The following ACP3 variants were observed in gnomAD, a reference collection of about 807,000 sequenced individuals.
ACP3 encodes acid phosphatase 3.
A neutral mutation model predicts 45.6 loss-of-function variants in ACP3; 38 were observed. The ratio of observed to expected loss-of-function variants is 0.83; its 90% CI spans 0.64 to 1.09. The LOEUF is 1.09. Among genes scored for constraint, ACP3 ranks in the 50% least tolerant of loss-of-function variants. The pLI, the probability that ACP3 is intolerant of heterozygous loss-of-function variation, is 0.00. For missense variants in ACP3, 466 were observed against 463.2 expected, an observed-to-expected ratio of 1.01 and a Z score of -0.05; for synonymous variants, 162 against 164.7, an observed-to-expected ratio of 0.98 and a Z score of 0.13.
chr3:132,327,189 G>A (rs1937312642), intron 1 of ACP3, among the ~76,000 whole-genome samples: 1 of 152,212 alleles, frequency 6.6e-6, no homozygotes, highest in Non-Finnish European at 1.5e-5. Context: ...GTCACAAATT[G>A]TATGTGGTGT....
chr3:132,334,193 A>G (rs550249206), intron 4 of ACP3, among the ~76,000 whole-genome samples: 1 of 152,340 alleles, frequency 6.6e-6, no homozygotes, highest in African/African-American at 2.4e-5. Flanking sequence ...GTTACACAGA[A>G]AGAGAATGCA....
intron 10 of ACP3, among the ~76,000 whole-genome samples, chr3:132,364,560 A>C (rs1698455398): frequency 6.6e-6 from 1 of 152,236 alleles, no homozygotes; most frequent in South Asian, 2.1e-4. Flanking sequence ...TTTCAAATAG[A>C]ATACACTCTG....
At chr3:132,334,261 C>G (rs1937453237) in intron 4 of ACP3, among the ~76,000 whole-genome samples, 1 of 152,048 alleles carries the variant, frequency 6.6e-6, no homozygotes, top group African/African-American at 2.4e-5. Flanking sequence ...AAGAGAGAAG[C>G]AAGGAACATT....
downstream of ACP3, among the ~76,000 whole-genome samples, chr3:132,363,553 A>T (rs985020207): frequency 1.3e-5 from 2 of 152,164 alleles, no homozygotes; most frequent in African/African-American, 4.8e-5. Flanking sequence ...CTAAGCCCTG[A>T]GTGTCATATT....
chr3:132,332,966 A>T (rs2107799909), intron 4 of ACP3, among the ~76,000 whole-genome samples: 2 of 152,332 alleles, frequency 1.3e-5, no homozygotes, highest in South Asian at 4.1e-4. Context: ...TCACTCTGGG[A>T]TTAAAACTAG....
chr3:132,349,639 A>G (rs73215928), intron 7 of ACP3, among the ~76,000 whole-genome samples: 2,607 of 152,276 alleles, frequency 0.017, 42 homozygotes, highest in Middle Eastern at 0.037. Context: ...TAGTGTGCCA[A>G]TCCAGCTTTC....
At chr3:132,326,545 T>A (rs954392377) in intron 1 of ACP3, among the ~76,000 whole-genome samples, 1 of 152,184 alleles carries the variant, frequency 6.6e-6, no homozygotes, top group South Asian at 2.1e-4. Context: ...GCTTAACATT[T>A]ATTGCATCAT....
At chr3:132,344,089 CCAA>C (rs1937580704) in intron 6 of ACP3, among the ~76,000 whole-genome samples, 1 of 152,182 alleles carries the variant, frequency 6.6e-6, no homozygotes, top group South Asian at 2.1e-4. Context: ...ACCAGCCTGG[CCAA>C]CATGGCGAAA....
At chr3:132,337,057 C>T (rs575843129) in intron 4 of ACP3, among the ~76,000 whole-genome samples, 19 of 143,620 alleles carry the variant, frequency 1.3e-4, no homozygotes, top group East Asian at 4.0e-4. Context: ...TACATACATG[C>T]GTTGGGGTGT....
At position 132,317,423 on chromosome 3, in the gene ACP3, C is replaced by A; in HGVS notation, c.-34C>A. 2 of 1,603,396 alleles carry A rather than the reference C, an allele frequency of 1.2e-6. No homozygotes were observed. The highest frequency in any genetic ancestry group is 2.2e-5 in the South Asian group (2 of 89,124). On this transcript the variant is annotated 5_prime_UTR_variant, in exon 1 of 10. Transcript: ENST00000336375. The stretch of plus-strand genomic sequence containing the variant: ...CAGGCTTTTGAAGTGGTAGCAGTTC[C>A]TCCTAACTCCTGCCAGAAACAGCTC...
intron 5 of ACP3, 115 bp from the exon 6 acceptor site, chr3:132,342,437 T>A: frequency 1.5e-6 from 1 of 667,780 alleles, no homozygotes; most frequent in East Asian, 2.7e-5. Context: ...CTGTGAAACA[T>A]CCTATAATGC....
rs1027194726 is a variant in ACP3 at position 132,357,945 on chromosome 3, G to A, written c.*1067G>A. 5.6e-6 allele frequency: 1 copy of A among 179,212 alleles called. No individual in the cohort carries two copies. Among genetic ancestry groups the A allele is most frequent in the African/African-American group, 2.4e-5 (1 of 41,808 alleles). The allele number at this position is 179,212 out of a possible 1,614,324, so 11.1% of individuals were successfully genotyped here. The stretch of plus-strand genomic sequence containing the variant: ...ACTACTTGTGGGGCTAAGGCAGGAG[G>A]ATCACTTGAGCCCCGGAGGTCGAGG... On this transcript the variant is annotated 3_prime_UTR_variant, in exon 10 of 10. Transcript: ENST00000336375.
At chr3:132,349,421 T>C (rs1485113802) in intron 7 of ACP3, among the ~76,000 whole-genome samples, 1 of 152,186 alleles carries the variant, frequency 6.6e-6, no homozygotes, top group African/African-American at 2.4e-5. Context: ...CTTTCTCCCA[T>C]GGCCTCCCAC....
chr3:132,360,104 A>G (rs947870605), downstream of ACP3, among the ~76,000 whole-genome samples: 2 of 152,176 alleles, frequency 1.3e-5, no homozygotes, highest in African/African-American at 4.8e-5. Context: ...ATTTTCGTTC[A>G]GTGTTGGGAA....
chr3:132,348,423 A>G (rs1937642361), intron 7 of ACP3, among the ~76,000 whole-genome samples: 1 of 152,018 alleles, frequency 6.6e-6, no homozygotes. Context: ...CCCCTATAAA[A>G]CAGAATATTG....
chr3:132,358,249 C>G lies in ACP3; in HGVS notation c.*1371C>G, dbSNP rs888638585. On this transcript the variant is annotated 3_prime_UTR_variant, in exon 10 of 10. Coordinates refer to ENST00000336375, the MANE Select transcript of ACP3 (RefSeq NM_001099.5). ...TCTACCAAAAAAAGGAAGGAAGGGACACATATCAAACTGAAACAAAATTAG... is the reference window on the plus strand; with the variant it reads ...TCTACCAAAAAAAGGAAGGAAGGGAGACATATCAAACTGAAACAAAATTAG... 1.7e-5 allele frequency: 19 copies of G among 1,121,028 alleles called. No homozygotes were observed. In the East Asian group the frequency reaches 1.2e-3, roughly 70 times the overall value. 69.4% of individuals were successfully genotyped at this position (1,121,028 alleles called of 1,614,324 possible). A position where few individuals can be genotyped will look rare whatever the true frequency, so the allele number is the denominator to read the frequency against.
At chr3:132,325,595 A>AACACACACACACAC (rs138017217) in intron 1 of ACP3, among the ~76,000 whole-genome samples, 4,548 of 143,582 alleles carry the variant, frequency 0.032, 131 homozygotes, top group African/African-American at 0.08. Flanking sequence ...TCTGATACAA[A>AACACACACACACAC]ACACACACAC....
At chr3:132,340,254 G>T (rs1937537838) in intron 5 of ACP3, among the ~76,000 whole-genome samples, 1 of 150,466 alleles carries the variant, frequency 6.6e-6, no homozygotes, top group Admixed American at 6.7e-5. Context: ...GGCGGAGGTT[G>T]CAGTGAGCCG....
chr3:132,356,719 G>A lies in ACP3; in HGVS notation c.1002G>A (p.Glu334=). 1 of 1,614,178 alleles carries A rather than the reference G, an allele frequency of 6.2e-7. No homozygotes were observed. The highest frequency in any genetic ancestry group is 8.5e-7 in the Non-Finnish European group (1 of 1,180,050). The change falls in exon 10 of 10, where the codon GAG becomes GAA. Residue 334 remains glutamate (E), a synonymous_variant. Transcript: ENST00000336375. ...EYFVEMYYRN[E]TQHEPYPLML... is the part of the protein sequence containing the mutation. The stretch of plus-strand genomic sequence containing the variant: ...TTGTGGAGATGTACTATCGGAATGA[G>A]ACGCAGCACGAGCCGTATCCCCTCA...
Sources: allele counts gnomAD v4.1 joint callset (sites outside exome capture counted in the v4.1 genomes callset), GRCh38; gene constraint gnomAD v4.1.1; transcripts MANE v1.5; gene names NCBI Gene and HGNC (gene_info 2026-07-23, HGNC 2026-07-21).